Variants in PCBP3 observed in about 807,000 individuals in gnomAD.
PCBP3 encodes poly(rC) binding protein 3.
Under a neutral mutation model 52.7 loss-of-function variants are expected in PCBP3, and 25 were observed. The ratio of observed to expected loss-of-function variants is 0.47; its 90% CI spans 0.35 to 0.66. PCBP3 has a LOEUF of 0.66. Among genes scored for constraint, PCBP3 ranks in the 30% least tolerant of loss-of-function variants. The pLI is 0.01. For synonymous variants in PCBP3, 162 were observed against 183.0 expected (o/e 0.89, Z 0.93); for missense variants, 391 against 490.3 (o/e 0.80, Z 1.91).
rs115074757 is a variant in PCBP3, at chr21:45,820,090, G to A, written c.-125-29871G>A. 2.6e-3 allele frequency among the ~76,000 whole-genome samples: 389 copies of A among 152,370 alleles called. 2 individuals carry two copies. The highest frequency in any genetic ancestry group is 8.7e-3 in the African/African-American group (362 of 41,584). Reference sequence around the variant, plus strand: ...GACTGGGTCTCCGTTTCAGCCACTGGCTCTGACCCATGGACCAGCTCAGAC... The same window carrying A: ...GACTGGGTCTCCGTTTCAGCCACTGACTCTGACCCATGGACCAGCTCAGAC... On this transcript the variant is annotated intron_variant, in intron 4 of 17. Transcript: ENST00000681687.
chr21:45,646,561 C>T (rs968885630), intron 1 of PCBP3, among the ~76,000 whole-genome samples: 5 of 152,142 alleles, frequency 3.3e-5, no homozygotes, highest in African/African-American at 9.7e-5. Context: ...GTCTAAGGTC[C>T]GGGGGCCAAA....
intron 2 of PCBP3, among the ~76,000 whole-genome samples, chr21:45,698,477 C>T (rs1051959702): frequency 6.6e-6 from 1 of 152,254 alleles, no homozygotes; most frequent in African/African-American, 2.4e-5. Flanking sequence ...GAGCCTCAGC[C>T]TAGCAGGGCT....
rs1202588906 is a variant in PCBP3 at position 45,941,928 on chromosome 21, T to G, written c.*222T>G. 1 of 425,710 alleles carries G rather than the reference T, an allele frequency of 2.3e-6. No individual in the cohort carries two copies. The allele number at this position is 425,710 out of a possible 1,614,324, so 26.4% of individuals were successfully genotyped here. On this transcript the variant is annotated 3_prime_UTR_variant, in exon 18 of 18. Transcript: ENST00000681687. ...AGTCCCCCCTCAGTGTTATTTTATT[T>G]ATGACTTACGCTCCCGTCTGCCCAT...
chr21:45,836,643 C>A (rs904268642), intron 4 of PCBP3, among the ~76,000 whole-genome samples: 7 of 152,012 alleles, frequency 4.6e-5, no homozygotes, highest in Admixed American at 1.3e-4. Flanking sequence ...ACAGCCGTGA[C>A]CCCAGGACCA....
At chr21:45,813,220 T>TA (rs989959198) in intron 4 of PCBP3, among the ~76,000 whole-genome samples, 27 of 152,364 alleles carry the variant, frequency 1.8e-4, no homozygotes, top group African/African-American at 5.8e-4. Flanking sequence ...AGCTTTTTTT[T>TA]ATCTATCTGT....
Position 45,917,658 on chromosome 21 carries a change from CT to C in PCBP3, c.717+32del. On this transcript the variant is annotated intron_variant, in intron 13 of 17. Transcript: ENST00000681687. This position sits in a 1 kb window ranked among gnomAD's most constrained non-coding sequence, Gnocchi z 5.3. Reference sequence around the variant, plus strand: ...AGTCTTCACTTTGTCTTCCTCTCACCTTTCTCTTCTCATGGTTGTTTACCTA... The same window carrying C: ...AGTCTTCACTTTGTCTTCCTCTCACCTTCTCTTCTCATGGTTGTTTACCTA... 1.3e-6 allele frequency: 2 copies of C among 1,572,946 alleles called. No homozygotes were observed. The highest frequency in any genetic ancestry group is 8.8e-7 in the Non-Finnish European group (1 of 1,142,652).
intron 13 of PCBP3, among the ~76,000 whole-genome samples, chr21:45,926,028 C>A (rs1410741309): frequency 6.6e-6 from 1 of 152,210 alleles, no homozygotes; most frequent in Admixed American, 6.5e-5. Context: ...CATCACATAC[C>A]AGCCCATAAA....
At chr21:45,701,228 C>G (rs1037497279) in intron 2 of PCBP3, among the ~76,000 whole-genome samples, 2 of 152,138 alleles carry the variant, frequency 1.3e-5, no homozygotes, top group Non-Finnish European at 2.9e-5. Context: ...AGCAAACAAA[C>G]AGGTAACTCA....
chr21:45,720,008 T>C (rs1272259667), intron 2 of PCBP3, among the ~76,000 whole-genome samples: 1 of 152,156 alleles, frequency 6.6e-6, no homozygotes, highest in African/African-American at 2.4e-5. Context: ...GTCTTTAACA[T>C]CCACCAGTCC....
Position 45,741,210 on chromosome 21 carries a change from G to A in PCBP3, c.-162+5781G>A, listed in dbSNP as rs560514637. Among the ~76,000 whole-genome samples the A allele has an allele frequency of 3.0e-4, 45 of 152,334 alleles. No homozygotes were observed. Among genetic ancestry groups the A allele is most frequent in the Admixed American group, 1.0e-3 (16 of 15,304 alleles). On this transcript the variant is annotated intron_variant, in intron 3 of 17. Transcript: ENST00000681687. The surrounding 1 kb of genome is among the most constrained non-coding windows in gnomAD (Gnocchi z 4.5). The stretch of plus-strand genomic sequence containing the variant: ...AAGGGCTGGAGGGTGATGTCGGGAT[G>A]AGTGGGTCTGCAGTGGTCGGCCCCA...
At chr21:45,934,296 G>A (rs553311622) in intron 15 of PCBP3, among the ~76,000 whole-genome samples, 69 of 152,180 alleles carry the variant, frequency 4.5e-4, no homozygotes, top group East Asian at 9.7e-4. Flanking sequence ...GGTTGGAGCC[G>A]CCACTTGTCC....
At chr21:45,790,206 T>G (rs2091447530) in intron 4 of PCBP3, among the ~76,000 whole-genome samples, 1 of 152,048 alleles carries the variant, frequency 6.6e-6, no homozygotes, top group African/African-American at 2.4e-5. Context: ...TGAGGAGGCT[T>G]CACCTGGACC....
chr21:45,649,439 C>G (rs1383274183), intron 1 of PCBP3, among the ~76,000 whole-genome samples: 1 of 152,066 alleles, frequency 6.6e-6, no homozygotes, highest in Non-Finnish European at 1.5e-5. Flanking sequence ...CTACTTAGAA[C>G]TTATTTTTGT....
At chr21:45,868,138 C>T (rs2094826001) in intron 5 of PCBP3, among the ~76,000 whole-genome samples, 1 of 152,228 alleles carries the variant, frequency 6.6e-6, no homozygotes, top group Admixed American at 6.5e-5. Context: ...CACTGCCTGT[C>T]GGTTATGCCT....
In PCBP3 at chr21:45,822,992, G is replaced by T. The variant is rs10854471; in HGVS notation, c.-125-26969G>T. ...ATGTGAGGCTGACCTGGGCCCTAGC[G>T]GGGGGTAAGGTCTTCCCCCTCCATG... On this transcript the variant is annotated intron_variant, in intron 4 of 17. Transcript: ENST00000681687. Among the ~76,000 whole-genome samples the T allele has an allele frequency of 4.0e-5, 6 of 151,588 alleles. No homozygotes were observed. The East Asian group carries it at 9.7e-4, about 25-fold the overall frequency.
intron 5 of PCBP3, among the ~76,000 whole-genome samples, chr21:45,866,940 C>T (rs1254876364): frequency 6.6e-6 from 1 of 152,174 alleles, no homozygotes; most frequent in Non-Finnish European, 1.5e-5. Context: ...GAACATTATC[C>T]GGCAGGAGTA....
At chr21:45,695,992 T>C (rs893950634) in intron 2 of PCBP3, among the ~76,000 whole-genome samples, 1 of 135,482 alleles carries the variant, frequency 7.4e-6, no homozygotes, top group Non-Finnish European at 1.5e-5. Context: ...GGCAGGAGAA[T>C]CACTTGAACC....
In PCBP3 at chr21:45,928,655, T is replaced by C. The variant is rs2068134409; in HGVS notation, c.718-1262T>C. Among the ~76,000 whole-genome samples the C allele has an allele frequency of 6.6e-6, 1 of 152,178 alleles. No homozygotes were observed. The highest frequency in any genetic ancestry group is 1.5e-5 in the Non-Finnish European group (1 of 68,008). On this transcript the variant is annotated intron_variant, in intron 13 of 17. Transcript: ENST00000681687. This position sits in a 1 kb window ranked among gnomAD's most constrained non-coding sequence, Gnocchi z 4.1. ...GTGCTCAGCAGCCGGCCTTCTCACGTGCAGATGGCAGCTCTGCTCCGAGCG... is the reference window on the plus strand; with the variant it reads ...GTGCTCAGCAGCCGGCCTTCTCACGCGCAGATGGCAGCTCTGCTCCGAGCG...
In PCBP3 at chr21:45,738,874, CT is replaced by C. The variant is rs1306759609; in HGVS notation, c.-162+3446del. 1.1e-3 allele frequency among the ~76,000 whole-genome samples: 149 copies of C among 136,308 alleles called. 4 individuals are homozygous for C. The highest frequency in any genetic ancestry group is 2.9e-3 in the African/African-American group (101 of 35,172). 89.4% of individuals were successfully genotyped at this position (136,308 alleles called of 152,430 possible). A position where few individuals can be genotyped will look rare whatever the true frequency, so the allele number is the denominator to read the frequency against. On this transcript the variant is annotated intron_variant, in intron 3 of 17. Transcript: ENST00000681687. ...GTCCACGGTCCTCTGGGTAGCCCCC[CT>C]ATCTTCATCAGCCCACCCCTTCCTG...
Sources: allele counts gnomAD v4.1 joint callset (sites outside exome capture counted in the v4.1 genomes callset), GRCh38; gene constraint gnomAD v4.1.1; non-coding constraint Gnocchi (gnomAD v3.1); transcripts MANE v1.5; gene names NCBI Gene and HGNC (gene_info 2026-07-23, HGNC 2026-07-21).